VASH1: variants seen among roughly 807,000 people sequenced by gnomAD.
The protein encoded by VASH1 is vasohibin 1.
Under a neutral mutation model 35.0 loss-of-function variants are expected in VASH1, and 16 were observed. That is an observed-to-expected ratio of 0.46 (90% CI 0.31 to 0.70). The LOEUF (loss-of-function observed/expected upper bound fraction) is 0.70, where lower values mean the gene tolerates loss of function less well. VASH1 is among the 30% of genes least tolerant of loss of function. The pLI is 0.05. For synonymous variants in VASH1, 214 were observed against 200.9 expected (o/e 1.07, Z -0.55); for missense variants, 505 against 510.7 (o/e 0.99, Z 0.11).
intron 3 of VASH1, among the ~76,000 whole-genome samples, chr14:76,772,239 CAA>C (rs912408484): frequency 6.6e-6 from 1 of 151,564 alleles, no homozygotes; most frequent in Non-Finnish European, 1.5e-5. Flanking sequence ...GACTCTGTCT[CAA>C]AAGAAAAGAA....
rs1366123207 is a variant in VASH1, at chr14:76,779,402, G to C, written c.*384G>C. 1.4e-6 allele frequency: 1 copy of C among 701,946 alleles called. No individual in the cohort carries two copies. Among genetic ancestry groups the C allele is most frequent in the East Asian group, 2.7e-5 (1 of 37,260 alleles). The allele number at this position is 701,946 out of a possible 1,614,324, so 43.5% of individuals were successfully genotyped here. A position where few individuals can be genotyped will look rare whatever the true frequency, so the allele number is the denominator to read the frequency against. On this transcript the variant is annotated 3_prime_UTR_variant, in exon 7 of 7. Transcript: ENST00000167106. Reference sequence around the variant, plus strand: ...TGCCCCTGGCTTCTCTCTGGGAGTTGGGTGCATCTTATCAGTGGGAAATCT... The same window carrying C: ...TGCCCCTGGCTTCTCTCTGGGAGTTCGGTGCATCTTATCAGTGGGAAATCT...
chr14:76,779,161 C>T lies in VASH1; in HGVS notation c.*143C>T. ...GAAGAGTGTGTTCCAGCTCAGCCCCCCAAGCTGCTCTCGCTCCCACTGAGC... is the reference window on the plus strand; with the variant it reads ...GAAGAGTGTGTTCCAGCTCAGCCCCTCAAGCTGCTCTCGCTCCCACTGAGC... On this transcript the variant is annotated 3_prime_UTR_variant, in exon 7 of 7. Transcript: ENST00000167106. The T allele has an allele frequency of 3.2e-6, 3 of 929,440 alleles. No homozygotes were observed. The South Asian group carries it at 4.2e-5, about 13-fold the overall frequency. The allele number at this position is 929,440 out of a possible 1,614,324, so 57.6% of individuals were successfully genotyped here. A position where few individuals can be genotyped will look rare whatever the true frequency, so the allele number is the denominator to read the frequency against.
intron 2 of VASH1, 145 bp downstream of exon 2, chr14:76,770,196 G>A (rs540720361): frequency 2.6e-6 from 2 of 770,248 alleles, no homozygotes; most frequent in Admixed American, 2.7e-5. Flanking sequence ...GTGCTCCCTG[G>A]TGCTGTGGGA....
intron 1 of VASH1, among the ~76,000 whole-genome samples, chr14:76,766,277 C>A (rs903839289): frequency 3.9e-5 from 6 of 152,164 alleles, no homozygotes; most frequent in African/African-American, 1.4e-4. Context: ...AGAGTCTGTC[C>A]TTGATGTTTC....
chr14:76,778,152 T>C (rs1347973026), intron 6 of VASH1, 81 bp downstream of exon 6: 2 of 1,017,142 alleles, frequency 2.0e-6, no homozygotes, highest in Non-Finnish European at 1.3e-6. Context: ...TTTTTTTTTT[T>C]ATCTCTCTCC....
At position 76,761,521 on chromosome 14, in the gene VASH1, G is replaced by C. The variant is rs1445597907; in HGVS notation, c.-1301G>C. 1 of 152,848 alleles carries C rather than the reference G, an allele frequency of 6.5e-6. No individual in the cohort carries two copies. The highest frequency in any genetic ancestry group is 1.5e-5 in the Non-Finnish European group (1 of 68,156). The allele number at this position is 152,848 out of a possible 1,614,324, so 9.5% of individuals were successfully genotyped here. Reference sequence around the variant, plus strand: ...CTGGCTGGCAGGGGACGTGGTCGGCGGCAGCGGGGCCCAGGGGCGGCGGGG... The same window carrying C: ...CTGGCTGGCAGGGGACGTGGTCGGCCGCAGCGGGGCCCAGGGGCGGCGGGG... On this transcript the variant is annotated 5_prime_UTR_variant, in exon 1 of 7. Coordinates refer to ENST00000167106, the MANE Select transcript of VASH1 (RefSeq NM_014909.5).
chr14:76,769,502 C>A (rs777347430), intron 1 of VASH1: 5 of 1,287,828 alleles, frequency 3.9e-6, no homozygotes, highest in South Asian at 1.2e-5. Context: ...TGCTCACCCC[C>A]CTCAGGACCA....
Position 76,779,630 on chromosome 14 carries a change from C to A in VASH1, c.*612C>A. ...GCATGAGCTCGTGGCTCAGGAGAGCCTTCAGGCCCTTGAGGCCCCCATGGG... is the reference window on the plus strand; with the variant it reads ...GCATGAGCTCGTGGCTCAGGAGAGCATTCAGGCCCTTGAGGCCCCCATGGG... On this transcript the variant is annotated 3_prime_UTR_variant, in exon 7 of 7. Coordinates refer to ENST00000167106, the MANE Select transcript of VASH1 (RefSeq NM_014909.5). 1 of 612,986 alleles carries A rather than the reference C, an allele frequency of 1.6e-6. No homozygotes were observed. The highest frequency in any genetic ancestry group is 1.9e-5 in the South Asian group (1 of 51,816). 38.0% of individuals were successfully genotyped at this position (612,986 alleles called of 1,614,324 possible). A position where few individuals can be genotyped will look rare whatever the true frequency, so the allele number is the denominator to read the frequency against.
At position 76,775,887 on chromosome 14, in the gene VASH1, G is replaced by C; in HGVS notation, c.531-5G>C. Reference sequence around the variant, plus strand: ...TGGCTCTTTCCTTAGCGGGGCACTGGCCAGTTACCTCACCAACAGCATGCC... The same window carrying C: ...TGGCTCTTTCCTTAGCGGGGCACTGCCCAGTTACCTCACCAACAGCATGCC... On this transcript the variant is annotated splice_polypyrimidine_tract_variant and splice_region_variant and intron_variant, in intron 4 of 6. Coordinates refer to ENST00000167106, the MANE Select transcript of VASH1 (RefSeq NM_014909.5). 1 of 1,561,578 alleles carries C rather than the reference G, an allele frequency of 6.4e-7. No individual in the cohort carries two copies. The highest frequency in any genetic ancestry group is 8.7e-7 in the Non-Finnish European group (1 of 1,151,608).
chr14:76,765,081 C>G (rs1475967717), intron 1 of VASH1, among the ~76,000 whole-genome samples: 2 of 152,168 alleles, frequency 1.3e-5, no homozygotes, highest in Non-Finnish European at 1.5e-5. Flanking sequence ...CAGAGTCACA[C>G]CCTGCTCCCA....
In VASH1 at chr14:76,776,359, G is replaced by A. The variant is rs1266651757; in HGVS notation, c.912+86G>A. 19 of 1,442,620 alleles carry A rather than the reference G, an allele frequency of 1.3e-5. No individual in the cohort carries two copies. The Admixed American group carries it at 4.4e-4, about 33-fold the overall frequency. The allele number at this position is 1,442,620 out of a possible 1,614,324, so 89.4% of individuals were successfully genotyped here. On this transcript the variant is annotated intron_variant, in intron 5 of 6. Coordinates refer to ENST00000167106, the MANE Select transcript of VASH1 (RefSeq NM_014909.5). The stretch of plus-strand genomic sequence containing the variant: ...CGATGTGAGGATTGAGAGGACTGGG[G>A]AGCTTCTCAGGGGACTGGGGTGCTG...
At position 76,779,174 on chromosome 14, in the gene VASH1, G is replaced by A. The variant is rs1595281185; in HGVS notation, c.*156G>A. On this transcript the variant is annotated 3_prime_UTR_variant, in exon 7 of 7. Coordinates refer to ENST00000167106, the MANE Select transcript of VASH1 (RefSeq NM_014909.5). ...CAGCTCAGCCCCCCAAGCTGCTCTCGCTCCCACTGAGCCAAGCCCCCTAAC... is the reference window on the plus strand; with the variant it reads ...CAGCTCAGCCCCCCAAGCTGCTCTCACTCCCACTGAGCCAAGCCCCCTAAC... 2.8e-5 allele frequency: 23 copies of A among 826,656 alleles called. No homozygotes were observed. Among genetic ancestry groups the A allele is most frequent in the South Asian group, 2.2e-4 (15 of 68,118 alleles). 51.2% of individuals were successfully genotyped at this position (826,656 alleles called of 1,614,324 possible).
rs558553187 is a variant in VASH1 at position 76,781,400 on chromosome 14, C to G, written c.*2382C>G. 1 of 152,222 alleles carries G rather than the reference C, an allele frequency of 6.6e-6. No homozygotes were observed. The highest frequency in any genetic ancestry group is 6.5e-5 in the Admixed American group (1 of 15,278). The allele number at this position is 152,222 out of a possible 1,614,324, so 9.4% of individuals were successfully genotyped here. On this transcript the variant is annotated 3_prime_UTR_variant, in exon 7 of 7. Coordinates refer to ENST00000167106, the MANE Select transcript of VASH1 (RefSeq NM_014909.5). The stretch of plus-strand genomic sequence containing the variant: ...CTATGCCTAAGAAGAGATGGCTCAC[C>G]TTGGGAGGTGCCAGGCTGAAACTAG...
Position 76,773,208 on chromosome 14 carries a change from G to C in VASH1, c.527G>C (p.Gly176Ala). 6.2e-7 allele frequency: 1 copy of C among 1,614,138 alleles called. No individual in the cohort carries two copies. Among genetic ancestry groups the C allele is most frequent in the African/African-American group, 1.3e-5 (1 of 75,046 alleles). The change falls in exon 4 of 7, where the codon GGA becomes GCA. Residue 176 changes from glycine (G) to alanine (A), a missense_variant. Transcript: ENST00000167106. ...PIKCLEAVILGIYLTNSMPTL... is the reference protein window; with the variant it reads ...PIKCLEAVILAIYLTNSMPTL... ...AAATGCCTGGAAGCCGTGATCCTGG[G>C]AATGTATCCTTCCTCACCTGAAGGG...
intron 2 of VASH1, among the ~76,000 whole-genome samples, chr14:76,770,527 T>G (rs538268078): frequency 1.3e-4 from 20 of 152,202 alleles, no homozygotes; most frequent in African/African-American, 4.8e-4. Flanking sequence ...TCTCCAGTTC[T>G]TCTCCTTTTT....
Position 76,773,305 on chromosome 14 carries a change from C to T in VASH1, c.530+94C>T, listed in dbSNP as rs1030756687. The T allele has an allele frequency of 3.9e-6, 5 of 1,280,172 alleles. No homozygotes were observed. The African/African-American group carries it at 5.9e-5, about 15-fold the overall frequency. The allele number at this position is 1,280,172 out of a possible 1,614,324, so 79.3% of individuals were successfully genotyped here. A position where few individuals can be genotyped will look rare whatever the true frequency, so the allele number is the denominator to read the frequency against. ...AGGGTGGGGTAGGTTGAATGGGCTC[C>T]AGGGCTCTCCCATATGCAGTCATCT... On this transcript the variant is annotated intron_variant, in intron 4 of 6. Coordinates refer to ENST00000167106, the MANE Select transcript of VASH1 (RefSeq NM_014909.5).
At chr14:76,768,869 ATGTGGGGAG>A (rs1893715810) in intron 1 of VASH1, among the ~76,000 whole-genome samples, 1 of 152,194 alleles carries the variant, frequency 6.6e-6, no homozygotes, top group East Asian at 1.9e-4. Context: ...GGACCTCTCT[ATGTGGGGAG>A]CCTTACAGCT....
chr14:76,763,052 G>A lies in VASH1; in HGVS notation c.231G>A (p.Met77Ile). Reference protein sequence around the residue: ...LPVDEATWERMWKHVAKIHPD... With the variant: ...LPVDEATWERIWKHVAKIHPD... ...TGGATGAGGCCACCTGGGAAAGGAT[G>A]TGGAAACACGTGGCCAAGATCCACC... The change falls in exon 1 of 7, where the codon ATG becomes ATA. Residue 77 changes from methionine (M) to isoleucine (I), a missense_variant. Coordinates refer to ENST00000167106, the MANE Select transcript of VASH1 (RefSeq NM_014909.5). The A allele has an allele frequency of 1.3e-6, 2 of 1,543,128 alleles. No homozygotes were observed. The highest frequency in any genetic ancestry group is 1.8e-6 in the Non-Finnish European group (2 of 1,142,664).
At chr14:76,765,425 C>T (rs1861426) in intron 1 of VASH1, among the ~76,000 whole-genome samples, 34,498 of 152,134 alleles carry the variant, frequency 0.23, 4,096 homozygotes, top group East Asian at 0.32. Context: ...CATGAGTCTG[C>T]ATGAGGTCCC....
Sources: allele counts gnomAD v4.1 joint callset (sites outside exome capture counted in the v4.1 genomes callset), GRCh38; gene constraint gnomAD v4.1.1; transcripts MANE v1.5; gene names NCBI Gene and HGNC (gene_info 2026-07-23, HGNC 2026-07-21).